The following ATP1A1 variants were observed in gnomAD, a reference collection of about 807,000 sequenced individuals.
ATP1A1 encodes the protein sodium/potassium-transporting ATPase subunit alpha-1.
A neutral mutation model predicts 114.8 loss-of-function variants in ATP1A1; 14 were observed. That is an observed-to-expected ratio of 0.12 (90% confidence interval 0.08 to 0.19). The LOEUF is 0.19. ATP1A1 is among the 10% of genes least tolerant of loss of function. ATP1A1 has a pLI of 1.00. For missense variants in ATP1A1, 524 were observed against 1,290.7 expected (o/e 0.41, Z 9.10); for synonymous variants, 471 against 466.3 (o/e 1.01, Z -0.13).
rs200995911 is a variant in ATP1A1, at chr1:116,393,522, C to G, written c.1468-9C>G. The G allele has an allele frequency of 9.3e-6, 15 of 1,607,946 alleles. No homozygotes were observed. The East Asian group carries it at 2.7e-4, about 29-fold the overall frequency. On this transcript the variant is annotated splice_polypyrimidine_tract_variant and intron_variant, in intron 11 of 22. Coordinates refer to ENST00000295598, the MANE Select transcript of ATP1A1 (RefSeq NM_000701.8). This position sits in a 1 kb window ranked among gnomAD's most constrained non-coding sequence, Gnocchi z 5.0. Reference sequence around the variant, plus strand: ...CATCCAATGTTTATGTCTCAACAATCCTTCACAGTTGTCTATTCATAAGAA... The same window carrying G: ...CATCCAATGTTTATGTCTCAACAATGCTTCACAGTTGTCTATTCATAAGAA...
Position 116,388,253 on chromosome 1 carries a change from C to G in ATP1A1, c.501+9C>G. ...AAAACATGGTCCCTCAGGTACCAGA[C>G]GCTTTGTCCTTCCCCAGTGGATGAC... On this transcript the variant is annotated intron_variant, in intron 5 of 22. Coordinates refer to ENST00000295598, the MANE Select transcript of ATP1A1 (RefSeq NM_000701.8). This position sits in a 1 kb window ranked among gnomAD's most constrained non-coding sequence, Gnocchi z 5.6. The G allele has an allele frequency of 1.3e-6, 2 of 1,589,308 alleles. No individual in the cohort carries two copies. The highest frequency in any genetic ancestry group is 1.1e-5 in the South Asian group (1 of 90,472).
In ATP1A1 at chr1:116,404,709, G is replaced by T. The variant is rs555588079; in HGVS notation, c.*265G>T. 1.2e-5 allele frequency: 15 copies of T among 1,265,438 alleles called. No homozygotes were observed. The highest frequency in any genetic ancestry group is 2.8e-5 in the South Asian group (1 of 35,210). 78.4% of individuals were successfully genotyped at this position (1,265,438 alleles called of 1,614,324 possible). On this transcript the variant is annotated 3_prime_UTR_variant, in exon 23 of 23. Coordinates refer to ENST00000295598, the MANE Select transcript of ATP1A1 (RefSeq NM_000701.8). This position sits in a 1 kb window ranked among gnomAD's most constrained non-coding sequence, Gnocchi z 4.8. ...TTGTTTTTGTAAAAAAGGAACACCCGGAAAGACTGAAAGAATACATTTTAT... is the reference window on the plus strand; with the variant it reads ...TTGTTTTTGTAAAAAAGGAACACCCTGAAAGACTGAAAGAATACATTTTAT...
At position 116,398,141 on chromosome 1, in the gene ATP1A1, T is replaced by A; in HGVS notation, c.2124+103T>A. On this transcript the variant is annotated intron_variant, in intron 15 of 22. Transcript: ENST00000295598. This position sits in a 1 kb window ranked among gnomAD's most constrained non-coding sequence, Gnocchi z 6.1. ...GGTGATGGATGGATGCATACCTCGC[T>A]GTATTAGACTCAGTATAAATAGGCC... 2 of 1,458,476 alleles carry A rather than the reference T, an allele frequency of 1.4e-6. No homozygotes were observed. The highest frequency in any genetic ancestry group is 1.9e-6 in the Non-Finnish European group (2 of 1,074,632). The allele number at this position is 1,458,476 out of a possible 1,614,324, so 90.3% of individuals were successfully genotyped here. A position where few individuals can be genotyped will look rare whatever the true frequency, so the allele number is the denominator to read the frequency against.
At chr1:116,402,430 G>T (rs1469862040) in intron 21 of ATP1A1, among the ~76,000 whole-genome samples, 1 of 152,134 alleles carries the variant, frequency 6.6e-6, no homozygotes, top group Non-Finnish European at 1.5e-5. Context: ...CCTCATCCTT[G>T]CTCAGACCCG....
rs1171922856 is a variant in ATP1A1 at position 116,395,432 on chromosome 1, A to T, written c.1836+147A>T. 3.3e-6 allele frequency: 3 copies of T among 903,886 alleles called. No homozygotes were observed. Among genetic ancestry groups the T allele is most frequent in the Admixed American group, 7.2e-5 (2 of 27,856 alleles). 56.0% of individuals were successfully genotyped at this position (903,886 alleles called of 1,614,324 possible). On this transcript the variant is annotated intron_variant, in intron 13 of 22. Transcript: ENST00000295598. The surrounding 1 kb of genome is among the most constrained non-coding windows in gnomAD (Gnocchi z 6.4). Reference sequence around the variant, plus strand: ...CATCTCCAAAGCTTTACTTCCACCCAGAAAAGACCAGATAGTATTAAAATA... The same window carrying T: ...CATCTCCAAAGCTTTACTTCCACCCTGAAAAGACCAGATAGTATTAAAATA...
intron 1 of ATP1A1, among the ~76,000 whole-genome samples, chr1:116,379,625 T>TG (rs1315191987): frequency 1.5e-4 from 23 of 152,218 alleles, no homozygotes; most frequent in African/African-American, 5.3e-4. Context: ...TGAAAAATAA[T>TG]GCCAAAGGAG....
At chr1:116,377,572 C>G (rs1360251825) in intron 1 of ATP1A1, among the ~76,000 whole-genome samples, 1 of 152,240 alleles carries the variant, frequency 6.6e-6, no homozygotes, top group Admixed American at 6.5e-5. Context: ...TGTCTACTTT[C>G]ACTTCTCAGG....
chr1:116,396,246 T>C (rs899226221), intron 13 of ATP1A1, among the ~76,000 whole-genome samples: 23 of 151,530 alleles, frequency 1.5e-4, no homozygotes, highest in African/African-American at 5.6e-4. Flanking sequence ...TGTGGTGTCT[T>C]CACAGTCCCA....
Position 116,389,340 on chromosome 1 carries a change from TTTTTG to T in ATP1A1, c.755-94_755-90del, listed in dbSNP as rs1485328092. 41 of 1,495,412 alleles carry T rather than the reference TTTTTG, an allele frequency of 2.7e-5. No individual in the cohort carries two copies. Among genetic ancestry groups the T allele is most frequent in the Non-Finnish European group, 3.6e-6 (4 of 1,107,912 alleles). The allele number at this position is 1,495,412 out of a possible 1,614,324, so 92.6% of individuals were successfully genotyped here. A position where few individuals can be genotyped will look rare whatever the true frequency, so the allele number is the denominator to read the frequency against. ...CCTTAAAAAGTGCTTTTATCAACTC[TTTTTG>T]TTTTTTTAGTCATCCTATGTAATTG... On this transcript the variant is annotated intron_variant, in intron 7 of 22. Coordinates refer to ENST00000295598, the MANE Select transcript of ATP1A1 (RefSeq NM_000701.8). The surrounding 1 kb of genome is among the most constrained non-coding windows in gnomAD (Gnocchi z 6.9).
chr1:116,373,769 G>T, intron 1 of ATP1A1: 1 of 844,926 alleles, frequency 1.2e-6, no homozygotes, highest in Non-Finnish European at 1.4e-6. Flanking sequence ...GGGGTGGGCG[G>T]ACCCTGGGCG....
chr1:116,379,197 CTG>C (rs1338858320), intron 1 of ATP1A1, among the ~76,000 whole-genome samples: 1 of 152,210 alleles, frequency 6.6e-6, no homozygotes, highest in Non-Finnish European at 1.5e-5. Context: ...CTGGCTAGAA[CTG>C]TCGCTGTTCT....
chr1:116,401,620 T>C lies in ATP1A1; in HGVS notation c.2916T>C (p.Pro972=), dbSNP rs772589167. The C allele has an allele frequency of 6.2e-7, 1 of 1,614,228 alleles. No individual in the cohort carries two copies. Among genetic ancestry groups the C allele is most frequent in the Admixed American group, 1.7e-5 (1 of 60,032 alleles). ...TGGCTGCTTTCCTTTCCTACTGCCC[T>C]GGAATGGGTGTTGCTCTTAGGATGT... ...TALAAFLSYC[P]GMGVALRMYP... Residue 972 remains proline (P), a synonymous_variant, in exon 21 of 23, where the codon CCT becomes CCC. Transcript: ENST00000295598. The surrounding 1 kb of genome is among the most constrained non-coding windows in gnomAD (Gnocchi z 4.7).
At position 116,388,721 on chromosome 1, in the gene ATP1A1, A is replaced by G. The variant is rs1375969493; in HGVS notation, c.585A>G (p.Gly195=). 6.2e-7 allele frequency: 1 copy of G among 1,614,204 alleles called. No homozygotes were observed. The highest frequency in any genetic ancestry group is 1.7e-5 in the Admixed American group (1 of 60,026). Residue 195 remains glycine, a synonymous_variant, in exon 6 of 23, where the codon GGA becomes GGG. Transcript: ENST00000295598. The surrounding 1 kb of genome is among the most constrained non-coding windows in gnomAD (Gnocchi z 5.6). ...VVVGDLVEVK[G]GDRIPADLRI... is the part of the protein sequence containing the mutation. Reference sequence around the variant, plus strand: ...TTGGGGATCTGGTGGAAGTAAAAGGAGGAGACCGAATTCCTGCTGACCTCA... The same window carrying G: ...TTGGGGATCTGGTGGAAGTAAAAGGGGGAGACCGAATTCCTGCTGACCTCA...
chr1:116,395,338 A>G lies in ATP1A1; in HGVS notation c.1836+53A>G. The stretch of plus-strand genomic sequence containing the variant: ...ATCTCTTAGTGCCTTGGGACACCCT[A>G]CTCAGTGAATGTTGCCTTTTGAGGT... On this transcript the variant is annotated intron_variant, in intron 13 of 22. Coordinates refer to ENST00000295598, the MANE Select transcript of ATP1A1 (RefSeq NM_000701.8). This position sits in a 1 kb window ranked among gnomAD's most constrained non-coding sequence, Gnocchi z 6.4. 1 of 1,583,810 alleles carries G rather than the reference A, an allele frequency of 6.3e-7. No individual in the cohort carries two copies. The highest frequency in any genetic ancestry group is 8.6e-7 in the Non-Finnish European group (1 of 1,165,020).
At chr1:116,378,460 G>A (rs994133599) in intron 1 of ATP1A1, among the ~76,000 whole-genome samples, 1 of 152,228 alleles carries the variant, frequency 6.6e-6, no homozygotes, top group Non-Finnish European at 1.5e-5. Flanking sequence ...CTTGGGACTT[G>A]TATTGTTTGG....
At position 116,401,035 on chromosome 1, in the gene ATP1A1, G is replaced by A. The variant is rs755175168; in HGVS notation, c.2718+29G>A. ...AGTGGGCACCTCTGACCTGACCAGT[G>A]TCAGAGCTCCTCAAGCCCCAGAAGA... On this transcript the variant is annotated intron_variant, in intron 19 of 22. Coordinates refer to ENST00000295598, the MANE Select transcript of ATP1A1 (RefSeq NM_000701.8). This position sits in a 1 kb window ranked among gnomAD's most constrained non-coding sequence, Gnocchi z 4.7. 4 of 1,613,584 alleles carry A rather than the reference G, an allele frequency of 2.5e-6. No homozygotes were observed. The highest frequency in any genetic ancestry group is 3.4e-6 in the Non-Finnish European group (4 of 1,179,500).
At position 116,401,056 on chromosome 1, in the gene ATP1A1, G is replaced by T; in HGVS notation, c.2718+50G>T. The T allele has an allele frequency of 1.2e-6, 2 of 1,612,716 alleles. No homozygotes were observed. The highest frequency in any genetic ancestry group is 1.1e-5 in the South Asian group (1 of 91,070). On this transcript the variant is annotated intron_variant, in intron 19 of 22. Transcript: ENST00000295598. This position sits in a 1 kb window ranked among gnomAD's most constrained non-coding sequence, Gnocchi z 4.7. ...CAGTGTCAGAGCTCCTCAAGCCCCA[G>T]AAGACTGAGGCCACACTGCCACCAG...
In ATP1A1 at chr1:116,387,215, C is replaced by T. The variant is rs1190089608; in HGVS notation, c.184-73C>T. The T allele has an allele frequency of 1.9e-6, 3 of 1,544,866 alleles. No individual in the cohort carries two copies. The African/African-American group carries it at 4.1e-5, about 21-fold the overall frequency. On this transcript the variant is annotated intron_variant, in intron 3 of 22. Coordinates refer to ENST00000295598, the MANE Select transcript of ATP1A1 (RefSeq NM_000701.8). This position sits in a 1 kb window ranked among gnomAD's most constrained non-coding sequence, Gnocchi z 6.7. ...TCCTTAAATCCTTATTGCAACCGTC[C>T]AGCTACCAGGTAGGTATATTGCCTT...
At position 116,393,667 on chromosome 1, in the gene ATP1A1, A is replaced by G; in HGVS notation, c.1604A>G (p.Lys535Arg). The change falls in exon 12 of 23, where the codon AAA (lysine) becomes AGA (arginine). Residue 535 changes from lysine to arginine, a missense_variant. By Grantham distance (26) the Lys-to-Arg change is conservative. Transcript: ENST00000295598. This position sits in a 1 kb window ranked among gnomAD's most constrained non-coding sequence, Gnocchi z 5.0. ...GKEQPLDEEL[K>R]DAFQNAYLEL... ...GAGCAGCCCCTGGATGAGGAGCTGA[A>G]AGACGCCTTTCAGAACGCCTATTTG... The G allele has an allele frequency of 1.2e-6, 2 of 1,614,126 alleles. No individual in the cohort carries two copies. The highest frequency in any genetic ancestry group is 1.1e-5 in the South Asian group (1 of 91,078).
Sources: allele counts gnomAD v4.1 joint callset (sites outside exome capture counted in the v4.1 genomes callset), GRCh38; gene constraint gnomAD v4.1.1; non-coding constraint Gnocchi (gnomAD v3.1); transcripts MANE v1.5; gene names NCBI Gene and HGNC (gene_info 2026-07-23, HGNC 2026-07-21).